Variants in FNDC1 observed in about 807,000 individuals in gnomAD.
FNDC1 encodes the protein fibronectin type III domain containing 1.
FNDC1 carries 96 observed loss-of-function variants against 168.0 expected under a neutral mutation model. That is an observed-to-expected ratio of 0.57 (90% CI 0.48 to 0.68). The LOEUF is 0.68. FNDC1 is among the 30% of genes least tolerant of loss of function. The pLI is 0.00. For missense variants in FNDC1, 2,587 were observed against 2,482.1 expected (o/e 1.04, Z -0.90); for synonymous variants, 1,099 against 1,025.9 (o/e 1.07, Z -1.36).
rs779223385 is a variant in FNDC1 at position 159,239,938 on chromosome 6, A to C, written c.4602A>C (p.Pro1534=). The part of the protein sequence containing the change: ...GNLIMSSNGI[P]ECYAEEDEFS... ...TGATAATGAGCTCCAATGGGATCCC[A>C]GAGTGCTACGCTGAAGAAGGTAACT... The change falls in exon 14 of 23, where the codon CCA becomes CCC. Residue 1534 remains proline (P), a synonymous_variant. Coordinates refer to ENST00000297267, the MANE Select transcript of FNDC1 (RefSeq NM_032532.3). 1.6e-5 allele frequency: 24 copies of C among 1,496,942 alleles called. No homozygotes were observed. Among genetic ancestry groups the C allele is most frequent in the Non-Finnish European group, 2.1e-5 (23 of 1,117,356 alleles). 92.7% of individuals were successfully genotyped at this position (1,496,942 alleles called of 1,614,324 possible). A position where few individuals can be genotyped will look rare whatever the true frequency, so the allele number is the denominator to read the frequency against.
intron 9 of FNDC1, 93 bp downstream of exon 9, chr6:159,226,673 A>G: frequency 8.5e-6 from 8 of 946,432 alleles, no homozygotes; most frequent in Non-Finnish European, 1.3e-5. Flanking sequence ...GAAATAGGGA[A>G]GCAACATATG....
chr6:159,176,814 T>C (rs1011725797), intron 1 of FNDC1, among the ~76,000 whole-genome samples: 9 of 152,324 alleles, frequency 5.9e-5, no homozygotes, highest in Middle Eastern at 6.8e-3. Flanking sequence ...GAAAGGGCCA[T>C]TGAGGCTTTT....
intron 12 of FNDC1, among the ~76,000 whole-genome samples, chr6:159,236,996 A>G (rs452112): frequency 0.84 from 128,349 of 152,112 alleles, 54,617 homozygotes; most frequent in Non-Finnish European, 0.9. Context: ...AATTATTTAT[A>G]CTGTAATTCC....
At chr6:159,195,718 A>G (rs2114942937) in intron 1 of FNDC1, among the ~76,000 whole-genome samples, 1 of 152,362 alleles carries the variant, frequency 6.6e-6, no homozygotes, top group Non-Finnish European at 1.5e-5. Flanking sequence ...CAGTAATAAA[A>G]GTAAATCATG....
At chr6:159,265,759 C>T (rs1311784994) in intron 20 of FNDC1, among the ~76,000 whole-genome samples, 4 of 152,212 alleles carry the variant, frequency 2.6e-5, no homozygotes, top group Admixed American at 1.3e-4. Flanking sequence ...GAAACCCCGT[C>T]TCTACTAAAA....
chr6:159,266,421 T>C (rs1777594337), intron 21 of FNDC1, among the ~76,000 whole-genome samples, 176 bp downstream of exon 21: 8 of 152,178 alleles, frequency 5.3e-5, no homozygotes, highest in Admixed American at 5.2e-4. Context: ...TACTAGTTTT[T>C]ACACTGGCAA....
Position 159,233,949 on chromosome 6 carries a change from C to T in FNDC1, c.3437C>T (p.Ser1146Phe), listed in dbSNP as rs776373619. 17 of 1,567,456 alleles carry T rather than the reference C, an allele frequency of 1.1e-5. No homozygotes were observed. The highest frequency in any genetic ancestry group is 1.4e-5 in the African/African-American group (1 of 73,964). Residue 1146 changes from serine (S) to phenylalanine (F), a missense_variant, in exon 11 of 23, where the codon TCC becomes TTC. Physicochemically the swap from Ser to Phe is radical, Grantham distance 155. Transcript: ENST00000297267. This position sits in a 1 kb window ranked among gnomAD's most constrained non-coding sequence, Gnocchi z 4.6. ...ARPSRPGGPQ[S>F]RARVPSRAAP... Reference sequence around the variant, plus strand: ...CCCAGCCGACCCGGCGGCCCCCAGTCCCGCGCCCGGGTACCCAGCAGGGCA... The same window carrying T: ...CCCAGCCGACCCGGCGGCCCCCAGTTCCGCGCCCGGGTACCCAGCAGGGCA...
At chr6:159,184,590 A>C (rs562553722) in intron 1 of FNDC1, among the ~76,000 whole-genome samples, 1 of 152,246 alleles carries the variant, frequency 6.6e-6, no homozygotes, top group South Asian at 2.1e-4. Context: ...CCTCTCCAGA[A>C]CCTTTGCTTG....
Position 159,271,410 on chromosome 6 carries a change from G to A in FNDC1, c.5653G>A (p.Glu1885Lys), listed in dbSNP as rs1029961965. ...CCCCTACTACTATGTGGGCTGGTAC[G>A]AGTGTGGGGTCTCCATCCCTGGAAA... ...GTPYYYVGWY[E>K]CGVSIPGKW is the part of the protein sequence containing the mutation. The change falls in exon 23 of 23, where the codon GAG becomes AAG. Residue 1885 changes from glutamate (E) to lysine (K), a missense_variant. Transcript: ENST00000297267. The A allele has an allele frequency of 1.9e-6, 3 of 1,611,440 alleles. No homozygotes were observed. Among genetic ancestry groups the A allele is most frequent in the African/African-American group, 1.3e-5 (1 of 74,850 alleles).
In FNDC1 at chr6:159,225,592, G is replaced by T. The variant is rs117546892; in HGVS notation, c.942G>T (p.Gln314His). 554 of 1,613,950 alleles carry T rather than the reference G, an allele frequency of 3.4e-4. 4 individuals carry two copies. The East Asian group carries it at 0.011, about 33-fold the overall frequency. Residue 314 changes from glutamine (Q) to histidine (H), a missense_variant, in exon 8 of 23, where the codon CAG (glutamine) becomes CAT (histidine). By Grantham distance (24) the Gln-to-His change is conservative. Coordinates refer to ENST00000297267, the MANE Select transcript of FNDC1 (RefSeq NM_032532.3). ...AATTGGCCAGGTGGGATTATAAGCA[G>T]ATCGCTAACAGGCGTGTGCTGATTG... Reference protein sequence around the residue: ...KGELARWDYKQIANRRVLIEN... With the variant: ...KGELARWDYKHIANRRVLIEN...
intron 4 of FNDC1, among the ~76,000 whole-genome samples, chr6:159,201,338 C>A (rs1195697168): frequency 6.6e-6 from 1 of 152,128 alleles, no homozygotes; most frequent in Non-Finnish European, 1.5e-5. Context: ...TGATGATTAT[C>A]TGCTTTTCAG....
At chr6:159,230,243 A>G (rs1453938499) in intron 10 of FNDC1, among the ~76,000 whole-genome samples, 1 of 152,244 alleles carries the variant, frequency 6.6e-6, no homozygotes, top group Non-Finnish European at 1.5e-5. Context: ...TGTATTAATT[A>G]TATAATTAAT....
chr6:159,171,055 C>T (rs1329140868), intron 1 of FNDC1, among the ~76,000 whole-genome samples: 1 of 152,110 alleles, frequency 6.6e-6, no homozygotes, highest in African/African-American at 2.4e-5. Flanking sequence ...TCTGCTTTTC[C>T]GATTCCTCTG....
chr6:159,238,158 C>T (rs1187872684), intron 12 of FNDC1, among the ~76,000 whole-genome samples: 2 of 149,936 alleles, frequency 1.3e-5, no homozygotes, highest in East Asian at 2.0e-4. Flanking sequence ...AGTGCAGTGG[C>T]GCGATCTCGG....
chr6:159,202,568 G>T (rs886840164), intron 4 of FNDC1, among the ~76,000 whole-genome samples: 9 of 152,320 alleles, frequency 5.9e-5, no homozygotes, highest in African/African-American at 2.2e-4. Flanking sequence ...GACTGATAGG[G>T]TCTCACATCC....
intron 4 of FNDC1, among the ~76,000 whole-genome samples, chr6:159,205,299 A>G (rs1282182828): frequency 2.6e-5 from 4 of 152,228 alleles, no homozygotes; most frequent in Non-Finnish European, 4.4e-5. Flanking sequence ...GGACATGTAT[A>G]CCCCAGACTT....
At chr6:159,200,711 G>T in intron 4 of FNDC1, 130 bp downstream of exon 4, 2 of 676,636 alleles carry the variant, frequency 3.0e-6, no homozygotes, top group Non-Finnish European at 2.6e-6. Flanking sequence ...TAACACACAC[G>T]CCACACAGTC....
chr6:159,230,736 C>T lies in FNDC1; in HGVS notation c.1369+733C>T, dbSNP rs540152422. ...TCCTCACATTTATGCTGGATATTGG[C>T]GGCTTTTCCTTCATTATGTGCTATG... On this transcript the variant is annotated intron_variant, in intron 10 of 22. Transcript: ENST00000297267. 1.9e-3 allele frequency among the ~76,000 whole-genome samples: 286 copies of T among 152,062 alleles called. 1 individual carries two copies. The highest frequency in any genetic ancestry group is 3.1e-3 in the Non-Finnish European group (209 of 68,012).
chr6:159,242,260 C>T (rs918275285), intron 14 of FNDC1, among the ~76,000 whole-genome samples: 2 of 152,316 alleles, frequency 1.3e-5, no homozygotes, highest in South Asian at 2.1e-4. Context: ...CATGTTGTCA[C>T]TTGTAAGTGG....
Sources: allele counts gnomAD v4.1 joint callset (sites outside exome capture counted in the v4.1 genomes callset), GRCh38; gene constraint gnomAD v4.1.1; non-coding constraint Gnocchi (gnomAD v3.1); transcripts MANE v1.5; gene names NCBI Gene and HGNC (gene_info 2026-07-23, HGNC 2026-07-21).